The following CCSER1 variants were observed in gnomAD, a reference collection of about 807,000 sequenced individuals.
The protein encoded by CCSER1 is coiled-coil serine rich protein 1.
Under a neutral mutation model 82.0 loss-of-function variants are expected in CCSER1, and 41 were observed. The observed-to-expected ratio is 0.50, with a 90% CI of 0.39 to 0.65. The LOEUF (loss-of-function observed/expected upper bound fraction) is 0.65, where lower values mean the gene tolerates loss of function less well. Ranked by LOEUF, CCSER1 falls within the 30% of genes least tolerant of loss-of-function variation. CCSER1 has a pLI of 0.00. For missense variants in CCSER1, 1,119 were observed against 1,064.2 expected, an observed-to-expected ratio of 1.05 and a Z score of -0.72; for synonymous variants, 414 against 383.9, an observed-to-expected ratio of 1.08 and a Z score of -0.92.
At chr4:90,794,916 T>G (rs1020151825) in intron 7 of CCSER1, among the ~76,000 whole-genome samples, 5 of 152,064 alleles carry the variant, frequency 3.3e-5, no homozygotes, top group Admixed American at 6.6e-5. Context: ...AAGTATATTT[T>G]TGTGTGTGTG....
intron 1 of CCSER1, among the ~76,000 whole-genome samples, chr4:90,192,537 T>C (rs1735850917): frequency 6.6e-6 from 1 of 152,070 alleles, no homozygotes; most frequent in Admixed American, 6.6e-5. Flanking sequence ...GTGCAGTAGT[T>C]GTATGACCTT....
intron 10 of CCSER1, among the ~76,000 whole-genome samples, chr4:91,178,944 G>A (rs1733703182): frequency 6.6e-6 from 1 of 152,166 alleles, no homozygotes; most frequent in African/African-American, 2.4e-5. Flanking sequence ...GGTACCAGTT[G>A]TTCCTTTCCA....
intron 7 of CCSER1, among the ~76,000 whole-genome samples, chr4:90,740,292 A>C (rs116001027): frequency 0.011 from 1,640 of 152,252 alleles, 31 homozygotes; most frequent in African/African-American, 0.037. Context: ...TGGTTCAGTC[A>C]AGATAAATTT....
At position 91,598,560 on chromosome 4, in the gene CCSER1, G is replaced by A. The variant is rs1043683405; in HGVS notation, c.2218-12G>A. On this transcript the variant is annotated splice_polypyrimidine_tract_variant and intron_variant, in intron 10 of 10. Coordinates refer to ENST00000509176, the MANE Select transcript of CCSER1 (RefSeq NM_001145065.2). Reference sequence around the variant, plus strand: ...TTTTAAGACATCTTTTTCTTTCTGTGTCTTACCATAGGCTACATATCGAAA... The same window carrying A: ...TTTTAAGACATCTTTTTCTTTCTGTATCTTACCATAGGCTACATATCGAAA... The A allele has an allele frequency of 3.9e-6, 6 of 1,535,006 alleles. No individual in the cohort carries two copies. The African/African-American group carries it at 7.0e-5, about 18-fold the overall frequency.
intron 10 of CCSER1, among the ~76,000 whole-genome samples, chr4:91,493,947 G>A (rs547158371): frequency 6.6e-6 from 1 of 151,936 alleles, no homozygotes; most frequent in Admixed American, 6.6e-5. Context: ...ACATTTCAGA[G>A]TTTGATGATA....
At chr4:91,598,503 C>T in intron 10 of CCSER1, 69 bp from the exon 11 acceptor site, 7 of 1,402,684 alleles carry the variant, frequency 5.0e-6, no homozygotes, top group Non-Finnish European at 6.6e-6. Context: ...ATAAATATCA[C>T]TCTGTATTGT....
chr4:91,004,497 G>A (rs1165457899), intron 9 of CCSER1, among the ~76,000 whole-genome samples: 1 of 152,180 alleles, frequency 6.6e-6, no homozygotes, highest in African/African-American at 2.4e-5. Context: ...GAAATCAAGT[G>A]TGCATTCACA....
At chr4:91,448,426 A>G (rs1388155688) in intron 10 of CCSER1, among the ~76,000 whole-genome samples, 2 of 152,138 alleles carry the variant, frequency 1.3e-5, no homozygotes, top group Admixed American at 6.6e-5. Context: ...CAAATTGCTT[A>G]AAACATATTT....
Position 91,287,986 on chromosome 4 carries a change from G to T in CCSER1, c.2217+201992G>T, listed in dbSNP as rs746941973. Among the ~76,000 whole-genome samples the T allele has an allele frequency of 2.8e-4, 31 of 109,090 alleles. 1 individual carries two copies. Among genetic ancestry groups the T allele is most frequent in the African/African-American group, 6.7e-5 (2 of 29,848 alleles). 71.6% of individuals were successfully genotyped at this position (109,090 alleles called of 152,430 possible). On this transcript the variant is annotated intron_variant, in intron 10 of 10. Coordinates refer to ENST00000509176, the MANE Select transcript of CCSER1 (RefSeq NM_001145065.2). The stretch of plus-strand genomic sequence containing the variant: ...AAAGTTATGCTCTGTTCTGGTAAAA[G>T]AAAAAAAATAAATGACATTTTCTTT...
At position 90,179,412 on chromosome 4, in the gene CCSER1, A is replaced by C. The variant is rs530230492; in HGVS notation, c.-42+51581A>C. Reference sequence around the variant, plus strand: ...TTTTTTTTTAATTTATTTTTTAGAGACAGGGTCTCACTCTCTGTAGCCTAG... The same window carrying C: ...TTTTTTTTTAATTTATTTTTTAGAGCCAGGGTCTCACTCTCTGTAGCCTAG... On this transcript the variant is annotated intron_variant, in intron 1 of 10. Transcript: ENST00000509176. Among the ~76,000 whole-genome samples the C allele has an allele frequency of 8.5e-5, 13 of 152,236 alleles. No homozygotes were observed. The East Asian group carries it at 1.7e-3, about 20-fold the overall frequency.
intron 10 of CCSER1, among the ~76,000 whole-genome samples, chr4:91,329,049 T>A (rs890207682): frequency 6.6e-6 from 1 of 152,200 alleles, no homozygotes; most frequent in Non-Finnish European, 1.5e-5. Context: ...TGTCAGTCAA[T>A]TAAACCTCTT....
At chr4:90,152,825 C>G (rs1036615632) in intron 1 of CCSER1, among the ~76,000 whole-genome samples, 1 of 150,856 alleles carries the variant, frequency 6.6e-6, no homozygotes, top group African/African-American at 2.4e-5. Flanking sequence ...AGTAGACCAG[C>G]ATGCTCAGAG....
rs528180425 is a variant in CCSER1, at chr4:90,555,956, C to A, written c.1725-72069C>A. Reference sequence around the variant, plus strand: ...TTCAAATTTATTTCCTAATATTTTACCAATTGGCATCCATAATGTAGACAG... The same window carrying A: ...TTCAAATTTATTTCCTAATATTTTAACAATTGGCATCCATAATGTAGACAG... On this transcript the variant is annotated intron_variant, in intron 5 of 10. Transcript: ENST00000509176. 4.6e-5 allele frequency among the ~76,000 whole-genome samples: 7 copies of A among 152,142 alleles called. No individual in the cohort carries two copies. The South Asian group carries it at 1.2e-3, about 27-fold the overall frequency.
intron 10 of CCSER1, among the ~76,000 whole-genome samples, chr4:91,433,254 G>T (rs1400514643): frequency 6.6e-6 from 1 of 152,112 alleles, no homozygotes; most frequent in Non-Finnish European, 1.5e-5. Context: ...TTGTCTGTGG[G>T]TGGTCCTGTA....
At chr4:90,488,535 C>G (rs1767489299) in intron 5 of CCSER1, among the ~76,000 whole-genome samples, 1 of 152,056 alleles carries the variant, frequency 6.6e-6, no homozygotes, top group Non-Finnish European at 1.5e-5. Flanking sequence ...CCTCATACAT[C>G]TAAAGATAAT....
chr4:90,598,799 G>C (rs1266249120), intron 5 of CCSER1, among the ~76,000 whole-genome samples: 1 of 152,092 alleles, frequency 6.6e-6, no homozygotes, highest in Non-Finnish European at 1.5e-5. Flanking sequence ...CAAGTAGTCA[G>C]GGGACAGGGT....
At chr4:91,457,614 G>A (rs796432181) in intron 10 of CCSER1, among the ~76,000 whole-genome samples, 12 of 152,242 alleles carry the variant, frequency 7.9e-5, no homozygotes, top group African/African-American at 2.9e-4. Flanking sequence ...AGGCTGAAGT[G>A]AGCTGTGATT....
chr4:91,201,342 A>G (rs960292318), intron 10 of CCSER1, among the ~76,000 whole-genome samples: 1 of 152,086 alleles, frequency 6.6e-6, no homozygotes, highest in African/African-American at 2.4e-5. Flanking sequence ...GTTTCCATGA[A>G]TAAATGAATG....
intron 10 of CCSER1, among the ~76,000 whole-genome samples, chr4:91,587,774 T>G (rs1484139589): frequency 1.3e-5 from 2 of 151,658 alleles, no homozygotes; most frequent in Non-Finnish European, 3.0e-5. Context: ...ATGGAAATAT[T>G]AAACACTGCT....
Sources: allele counts gnomAD v4.1 joint callset (sites outside exome capture counted in the v4.1 genomes callset), GRCh38; gene constraint gnomAD v4.1.1; transcripts MANE v1.5; gene names NCBI Gene and HGNC (gene_info 2026-07-23, HGNC 2026-07-21).